The following TENM3 variants were observed in gnomAD, a reference collection of about 807,000 sequenced individuals.
TENM3 encodes the protein teneurin transmembrane protein 3, also known as teneurin-3.
TENM3 carries 63 observed loss-of-function variants against 255.1 expected under a neutral mutation model. The ratio of observed to expected loss-of-function variants is 0.25; its 90% confidence interval spans 0.20 to 0.30. The LOEUF (loss-of-function observed/expected upper bound fraction) is 0.30, where lower values mean the gene tolerates loss of function less well. Among genes scored for constraint, TENM3 ranks in the 10% least tolerant of loss-of-function variants. TENM3 has a pLI of 1.00. For synonymous variants in TENM3, 1,306 were observed against 1,322.3 expected (o/e 0.99, Z 0.27); for missense variants, 2,929 against 3,461.1 (o/e 0.85, Z 3.86).
At chr4:181,875,012 G>A in the TENM3 span, among the ~76,000 whole-genome samples, 2 of 152,288 alleles carry the variant, frequency 1.3e-5, no homozygotes, top group Admixed American at 6.5e-5. Context: ...AACACATCCA[G>A]GGCCAGTTAT....
the TENM3 span, among the ~76,000 whole-genome samples, chr4:181,482,393 CTT>C: frequency 1.3e-5 from 2 of 151,764 alleles, no homozygotes; most frequent in Non-Finnish European, 2.9e-5. Context: ...ATTGGTTTGA[CTT>C]TTGTTTCACT....
the TENM3 span, among the ~76,000 whole-genome samples, chr4:182,098,557 T>C: frequency 6.6e-6 from 1 of 152,182 alleles, no homozygotes; most frequent in Non-Finnish European, 1.5e-5. Context: ...GTGGGGGTTA[T>C]GTAAAATAAG....
chr4:182,411,459 A>G (rs1344393041), intron 3 of TENM3, among the ~76,000 whole-genome samples: 1 of 152,186 alleles, frequency 6.6e-6, no homozygotes, highest in Non-Finnish European at 1.5e-5. Flanking sequence ...GGTTCTGAGT[A>G]TGGCATTGAT....
chr4:182,645,772 G>GAC (rs1329672675), intron 5 of TENM3, among the ~76,000 whole-genome samples: 1 of 152,182 alleles, frequency 6.6e-6, no homozygotes, highest in Non-Finnish European at 1.5e-5. Flanking sequence ...GTCCAAAAGA[G>GAC]AGAGAGAACA....
chr4:181,461,315 A>T, the TENM3 span, among the ~76,000 whole-genome samples: 2 of 151,648 alleles, frequency 1.3e-5, no homozygotes, highest in Non-Finnish European at 2.9e-5. Flanking sequence ...TTTTCTCTTT[A>T]TCGTTGCTAT....
chr4:182,223,966 G>T (rs1228130212), intron 1 of TENM3, among the ~76,000 whole-genome samples: 1 of 152,146 alleles, frequency 6.6e-6, no homozygotes, highest in East Asian at 1.9e-4. Flanking sequence ...ATGGAAGAAA[G>T]ATGGTGAAAA....
the TENM3 span, among the ~76,000 whole-genome samples, chr4:182,108,888 C>T: frequency 6.6e-6 from 1 of 152,062 alleles, no homozygotes; most frequent in Non-Finnish European, 1.5e-5. Flanking sequence ...ATAGAAAAGT[C>T]ATCATCAAGA....
At position 182,731,107 on chromosome 4, in the gene TENM3, C is replaced by T. The variant is rs746980181; in HGVS notation, c.2935C>T (p.Pro979Ser). 9 of 1,613,736 alleles carry T rather than the reference C, an allele frequency of 5.6e-6. No individual in the cohort carries two copies. The African/African-American group carries it at 6.7e-5, about 12-fold the overall frequency. Residue 979 changes from proline (P) to serine (S), a missense_variant, in exon 16 of 28, where the codon CCT (proline) becomes TCT (serine). Pro to Ser is a moderately conservative substitution (Grantham distance 74, BLOSUM62 -1). Coordinates refer to ENST00000511685, the MANE Select transcript of TENM3 (RefSeq NM_001080477.4). ...TTTATCCACCTTTTTCAGATCTTCT[C>T]CTGAAGACAGTCCCATCATTCCCGA... is the stretch of plus-strand genomic sequence containing the variant. ...SPLSTFFRSSPEDSPIIPETQ... is the reference protein window; with the variant it reads ...SPLSTFFRSSSEDSPIIPETQ...
chr4:182,674,426 T>C (rs1755491487), intron 7 of TENM3, among the ~76,000 whole-genome samples: 1 of 152,092 alleles, frequency 6.6e-6, no homozygotes, highest in South Asian at 2.1e-4. Flanking sequence ...ATATCAGGCT[T>C]TAGTGTATTC....
At chr4:181,720,546 C>A in the TENM3 span, among the ~76,000 whole-genome samples, 1 of 152,090 alleles carries the variant, frequency 6.6e-6, no homozygotes. Flanking sequence ...CATTGACAAG[C>A]TGTATTTTAA....
At chr4:181,534,501 G>A in the TENM3 span, among the ~76,000 whole-genome samples, 4 of 151,324 alleles carry the variant, frequency 2.6e-5, no homozygotes, top group Admixed American at 6.6e-5. Flanking sequence ...TTGTTTCCCT[G>A]CCTTCGTACC....
intron 3 of TENM3, among the ~76,000 whole-genome samples, chr4:182,541,202 T>C (rs138537479): frequency 1.3e-5 from 2 of 152,326 alleles, no homozygotes; most frequent in African/African-American, 4.8e-5. Flanking sequence ...GCATGGTGTT[T>C]TTGAAAAACT....
the TENM3 span, among the ~76,000 whole-genome samples, chr4:181,719,546 G>A: frequency 2.0e-5 from 3 of 152,142 alleles, no homozygotes; most frequent in Admixed American, 1.3e-4. Context: ...CGGTGGAAGC[G>A]CAAAAGGGCT....
chr4:181,454,311 C>T, the TENM3 span, among the ~76,000 whole-genome samples: 1,360 of 152,176 alleles, frequency 8.9e-3, 24 homozygotes, highest in African/African-American at 0.031. Flanking sequence ...AGTCATGTAC[C>T]GCATAACGAT....
rs545636161 is a variant in TENM3 at position 182,153,655 on chromosome 4, G to T, written c.-76+8901G>T. On this transcript the variant is annotated intron_variant, in intron 1 of 2. Transcript: ENST00000512480. ...AATGAGAGATCTGAAGGAGAGGACTGAGTGCTTGTTCTATGAGATGCCATC... is the reference window on the plus strand; with the variant it reads ...AATGAGAGATCTGAAGGAGAGGACTTAGTGCTTGTTCTATGAGATGCCATC... Among the ~76,000 whole-genome samples the T allele has an allele frequency of 2.0e-5, 3 of 152,224 alleles. No homozygotes were observed. The South Asian group carries it at 6.2e-4, about 32-fold the overall frequency.
At chr4:181,935,423 C>G in the TENM3 span, among the ~76,000 whole-genome samples, 1 of 152,268 alleles carries the variant, frequency 6.6e-6, no homozygotes, top group Non-Finnish European at 1.5e-5. Flanking sequence ...TGCAGAAACT[C>G]TCATTCCTCT....
the TENM3 span, among the ~76,000 whole-genome samples, chr4:182,038,344 A>G: frequency 2.6e-5 from 4 of 152,174 alleles, no homozygotes; most frequent in Non-Finnish European, 5.9e-5. Context: ...GTAATTTAGG[A>G]TTTCAAATTA....
rs1327366110 is a variant in TENM3, at chr4:182,801,308, A to G, written c.*957A>G. The G allele has an allele frequency of 2.6e-5, 4 of 152,402 alleles. No homozygotes were observed. The highest frequency in any genetic ancestry group is 5.9e-5 in the Non-Finnish European group (4 of 68,046). 9.4% of individuals were successfully genotyped at this position (152,402 alleles called of 1,614,324 possible). ...ATCACTAGATGGATAGGACCGTGCA[A>G]TTCTAGGTGGGTGGCGAATCAGAGA... On this transcript the variant is annotated 3_prime_UTR_variant, in exon 28 of 28. Transcript: ENST00000511685.
chr4:181,624,359 G>C, the TENM3 span, among the ~76,000 whole-genome samples: 19 of 152,200 alleles, frequency 1.2e-4, no homozygotes, highest in Non-Finnish European at 1.0e-4. Context: ...AATTTCAATG[G>C]CCGAAGTAAA....
Sources: allele counts gnomAD v4.1 joint callset (sites outside exome capture counted in the v4.1 genomes callset), GRCh38; gene constraint gnomAD v4.1.1; transcripts MANE v1.5; gene names NCBI Gene and HGNC (gene_info 2026-07-23, HGNC 2026-07-21).